Variants in ASAP1 observed in about 807,000 individuals in gnomAD.
ASAP1 encodes arf-GAP with SH3 domain, ANK repeat and PH domain-containing protein 1.
Under a neutral mutation model 145.2 loss-of-function variants are expected in ASAP1, and 43 were observed. The observed-to-expected ratio is 0.30, with a 90% CI of 0.23 to 0.38. The LOEUF (loss-of-function observed/expected upper bound fraction) is 0.38, where lower values mean the gene tolerates loss of function less well. ASAP1 is among the 10% of genes least tolerant of loss of function. The pLI is 1.00. For synonymous variants in ASAP1, 546 were observed against 515.5 expected (o/e 1.06, Z -0.80); for missense variants, 1,018 against 1,355.3 (o/e 0.75, Z 3.91).
At chr8:130,192,326 C>CGG (rs1379825663) in intron 5 of ASAP1, among the ~76,000 whole-genome samples, 1 of 140,422 alleles carries the variant, frequency 7.1e-6, no homozygotes, top group Non-Finnish European at 1.5e-5. Flanking sequence ...TAAAATTTCA[C>CGG]GGGGGGGAGC....
At position 130,316,547 on chromosome 8, in the gene ASAP1, T is replaced by C. The variant is rs146760565; in HGVS notation, c.186+41470A>G. Among the ~76,000 whole-genome samples, 76 of 152,372 alleles carry C rather than the reference T, an allele frequency of 5.0e-4. No homozygotes were observed. The East Asian group carries it at 0.012, about 24-fold the overall frequency. ...ATGTGGTCAATAAATACTAGTGTTA[T>C]TTATATGGGTTCTGGAAAAGAAGTG... On this transcript the variant is annotated intron_variant, in intron 3 of 29. Coordinates refer to ENST00000518721, the MANE Select transcript of ASAP1 (RefSeq NM_018482.4).
intron 15 of ASAP1, among the ~76,000 whole-genome samples, chr8:130,132,283 C>A (rs2097584358): frequency 6.6e-6 from 1 of 152,190 alleles, no homozygotes; most frequent in African/African-American, 2.4e-5. Flanking sequence ...ATAACTATTA[C>A]CCATTTTTAT....
rs556145379 is a variant in ASAP1 at position 130,118,212 on chromosome 8, C to T, written c.1829G>A (p.Arg610Gln). 12 of 1,613,812 alleles carry T rather than the reference C, an allele frequency of 7.4e-6. No homozygotes were observed. Among genetic ancestry groups the T allele is most frequent in the South Asian group, 5.5e-5 (5 of 91,048 alleles). Residue 610 changes from arginine to glutamine, a missense_variant, in exon 20 of 30, where the codon CGA (arginine) becomes CAA (glutamine). Around this residue, in one of 9 missense-constraint regions of ASAP1, gnomAD observed 353 missense variants for 375.4 expected, o/e 0.94. Coordinates refer to ENST00000518721, the MANE Select transcript of ASAP1 (RefSeq NM_018482.4). ...ATGGAGAGATGTCTGATCTGCAGTTCGGACGGCAAGGTGAAGGGCTGTCTC... is the reference window on the plus strand; with the variant it reads ...ATGGAGAGATGTCTGATCTGCAGTTTGGACGGCAAGGTGAAGGGCTGTCTC... ...LGETALHLAV[R>Q]TADQTSLHLV...
chr8:130,241,670 A>G (rs1034895889), intron 3 of ASAP1, among the ~76,000 whole-genome samples: 11 of 152,252 alleles, frequency 7.2e-5, no homozygotes, highest in African/African-American at 2.6e-4. Context: ...AAAGGTATAC[A>G]TATCTAATAT....
intron 24 of ASAP1, among the ~76,000 whole-genome samples, chr8:130,109,105 A>G (rs1441741362): frequency 6.6e-6 from 1 of 152,156 alleles, no homozygotes; most frequent in African/African-American, 2.4e-5. Context: ...CGTACAGTAG[A>G]AGTGGGGTGG....
intron 3 of ASAP1, among the ~76,000 whole-genome samples, chr8:130,296,482 T>TTAAATTATC (rs1822282409): frequency 6.6e-6 from 1 of 151,932 alleles, no homozygotes; most frequent in Non-Finnish European, 1.5e-5. Context: ...CCTGTGCTAT[T>TTAAATTATC]TAAATTATCT....
intron 26 of ASAP1, among the ~76,000 whole-genome samples, chr8:130,078,059 G>A (rs1456212693): frequency 1.3e-5 from 2 of 150,956 alleles, no homozygotes; most frequent in Non-Finnish European, 2.9e-5. Context: ...GCGTGATCTC[G>A]GTTCACTGCA....
intron 1 of ASAP1, among the ~76,000 whole-genome samples, chr8:130,431,733 A>G (rs1830140562): frequency 6.6e-6 from 1 of 151,906 alleles, no homozygotes; most frequent in African/African-American, 2.4e-5. Context: ...CATTCATATG[A>G]GAGGTTCCAG....
intron 27 of ASAP1, among the ~76,000 whole-genome samples, chr8:130,071,020 G>GAGAGAGAGAC (rs2097445085): frequency 1.8e-5 from 2 of 112,914 alleles, no homozygotes; most frequent in African/African-American, 3.5e-5. Flanking sequence ...GGGAGAGAGA[G>GAGAGAGAGAC]AGAGAGAGAG....
At chr8:130,311,284 T>C (rs990515873) in intron 3 of ASAP1, among the ~76,000 whole-genome samples, 1 of 152,258 alleles carries the variant, frequency 6.6e-6, no homozygotes, top group African/African-American at 2.4e-5. Flanking sequence ...GGCCATATTT[T>C]ATAAAACTAA....
intron 24 of ASAP1, among the ~76,000 whole-genome samples, chr8:130,103,812 T>C (rs916745639): frequency 6.6e-6 from 1 of 152,148 alleles, no homozygotes; most frequent in Non-Finnish European, 1.5e-5. Context: ...CTGCACCTAG[T>C]GATGTTTTTC....
intron 2 of ASAP1, among the ~76,000 whole-genome samples, chr8:130,371,487 T>C (rs1449634229): frequency 6.6e-6 from 1 of 152,220 alleles, no homozygotes; most frequent in Non-Finnish European, 1.5e-5. Flanking sequence ...AAAAGACTCA[T>C]CTTCCAGCCT....
chr8:130,212,845 T>C (rs1431982357), intron 5 of ASAP1, among the ~76,000 whole-genome samples: 1 of 152,202 alleles, frequency 6.6e-6, no homozygotes, highest in Non-Finnish European at 1.5e-5. Context: ...AGAGATGAGA[T>C]TGGTCCAGGA....
chr8:130,356,495 T>C (rs1355125246), intron 3 of ASAP1, among the ~76,000 whole-genome samples: 2 of 151,968 alleles, frequency 1.3e-5, no homozygotes, highest in Admixed American at 6.6e-5. Context: ...CAATTCTGTT[T>C]AATCCCAGAC....
chr8:130,409,397 C>G (rs1448937261), intron 1 of ASAP1, among the ~76,000 whole-genome samples: 2 of 152,146 alleles, frequency 1.3e-5, no homozygotes, highest in Non-Finnish European at 2.9e-5. Flanking sequence ...AGCAACAAGT[C>G]CTGCCTCCCT....
intron 10 of ASAP1, 112 bp downstream of exon 10, chr8:130,168,880 A>G: frequency 1.5e-6 from 1 of 652,304 alleles, no homozygotes; most frequent in South Asian, 2.1e-5. Context: ...GTTTGTACAG[A>G]CATATCATTT....
At chr8:130,424,732 G>A (rs1221432168) in intron 1 of ASAP1, among the ~76,000 whole-genome samples, 1 of 152,034 alleles carries the variant, frequency 6.6e-6, no homozygotes, top group African/African-American at 2.4e-5. Context: ...GGTGGCTCAG[G>A]CCTGTAATCC....
chr8:130,239,335 A>T (rs1055331873), intron 3 of ASAP1, among the ~76,000 whole-genome samples: 1 of 152,156 alleles, frequency 6.6e-6, no homozygotes, highest in Non-Finnish European at 1.5e-5. Context: ...TACAGAGATT[A>T]TCTCACTTAA....
intron 5 of ASAP1, among the ~76,000 whole-genome samples, chr8:130,209,164 A>AT (rs1217571286): frequency 6.6e-6 from 1 of 152,036 alleles, no homozygotes; most frequent in African/African-American, 2.4e-5. Context: ...AGGTTACAAT[A>AT]TTTTTCACAT....
Sources: allele counts gnomAD v4.1 joint callset (sites outside exome capture counted in the v4.1 genomes callset), GRCh38; gene constraint gnomAD v4.1.1; regional missense constraint gnomAD v4.1.1; transcripts MANE v1.5; gene names NCBI Gene and HGNC (gene_info 2026-07-23, HGNC 2026-07-21).